SLC30A2: variants seen among roughly 807,000 people sequenced by gnomAD.
The protein encoded by SLC30A2 is proton-coupled zinc antiporter SLC30A2.
Under a neutral mutation model 39.6 loss-of-function variants are expected in SLC30A2, and 19 were observed. The observed-to-expected ratio is 0.48, with a 90% CI of 0.34 to 0.70. The LOEUF is 0.70. Ranked by LOEUF, SLC30A2 falls within the 30% of genes least tolerant of loss-of-function variation. The probability of loss-of-function intolerance (pLI) is 0.01; values close to 1 mark genes in which losing one functional copy is unlikely to be tolerated. For synonymous variants in SLC30A2, 195 were observed against 194.8 expected (o/e 1.00, Z -0.01); for missense variants, 387 against 479.4 (o/e 0.81, Z 1.80).
chr1:26,041,561 G>T (rs2050397570), intron 6 of SLC30A2, 139 bp downstream of exon 6: 1 of 615,246 alleles, frequency 1.6e-6, no homozygotes, highest in East Asian at 2.9e-5. Context: ...GCCCCAGGAG[G>T]TTTTCCAGCC....
chr1:26,043,221 C>T (rs1364141683), intron 4 of SLC30A2, among the ~76,000 whole-genome samples, 177 bp downstream of exon 4: 2 of 152,242 alleles, frequency 1.3e-5, no homozygotes, highest in South Asian at 2.1e-4. Flanking sequence ...TGTTCTTGGC[C>T]TAGGCCTAAG....
intron 4 of SLC30A2, 103 bp from the exon 5 acceptor site, chr1:26,042,811 C>A: frequency 9.8e-7 from 1 of 1,017,118 alleles, no homozygotes; most frequent in Non-Finnish European, 1.4e-6. Context: ...GCCCCTAAAC[C>A]TTGTGATCTC....
rs2050373906 is a variant in SLC30A2, at chr1:26,039,408, G to A, written c.974-103C>T. On this transcript the variant is annotated intron_variant, in intron 7 of 7. Coordinates refer to ENST00000374276, the MANE Select transcript of SLC30A2 (RefSeq NM_001004434.3). This position sits in a 1 kb window ranked among gnomAD's most constrained non-coding sequence, Gnocchi z 4.3. ...CCCATCCCCAGCAGAACAGGATGGG[G>A]GACCATGAACATGGAGAAGCCCCCA... 8 of 884,332 alleles carry A rather than the reference G, an allele frequency of 9.0e-6. No individual in the cohort carries two copies. The highest frequency in any genetic ancestry group is 1.7e-5 in the South Asian group (1 of 59,524). The allele number at this position is 884,332 out of a possible 1,614,324, so 54.8% of individuals were successfully genotyped here. A position where few individuals can be genotyped will look rare whatever the true frequency, so the allele number is the denominator to read the frequency against.
chr1:26,045,534 T>G, intron 1 of SLC30A2: 1 of 595,090 alleles, frequency 1.7e-6, no homozygotes, highest in Non-Finnish European at 3.0e-6. Context: ...TCCAGCGCAC[T>G]TGGGACACAG....
chr1:26,044,897 T>C, intron 2 of SLC30A2, 100 bp downstream of exon 2: 1 of 921,648 alleles, frequency 1.1e-6, no homozygotes, highest in Admixed American at 1.8e-5. Flanking sequence ...AGGCTTACTG[T>C]AGTGTGTGTT....
In SLC30A2 at chr1:26,045,053, C is replaced by T. The variant is rs368255248; in HGVS notation, c.215G>A (p.Arg72His). ...GATGGCAGAGGCTACATACAGCTGG[C>T]GCTGGGCCTTCCCCTTCTTGGGGTC... is the stretch of plus-strand genomic sequence containing the variant. ...HCDPKKGKAQ[R>H]QLYVASAICL... The change falls in exon 2 of 8, where the codon CGC (arginine) becomes CAC (histidine). Residue 72 changes from arginine (R) to histidine (H), a missense_variant. Transcript: ENST00000374276. 1.6e-5 allele frequency: 26 copies of T among 1,614,104 alleles called. No homozygotes were observed. Among genetic ancestry groups the T allele is most frequent in the South Asian group, 2.2e-5 (2 of 91,092 alleles).
chr1:26,038,669 C>T lies in SLC30A2; in HGVS notation c.*491G>A, dbSNP rs2050365114. The T allele has an allele frequency of 6.5e-6, 1 of 152,896 alleles. No individual in the cohort carries two copies. Among genetic ancestry groups the T allele is most frequent in the Non-Finnish European group, 1.5e-5 (1 of 68,484 alleles). 9.5% of individuals were successfully genotyped at this position (152,896 alleles called of 1,614,324 possible). ...GGCACAGATAGGCCTCAGGTGCCTC[C>T]TGGCTCCCTGCCTCAGGGAGGCTCA... On this transcript the variant is annotated 3_prime_UTR_variant, in exon 8 of 8. Transcript: ENST00000374276.
Position 26,039,960 on chromosome 1 carries a change from G to T in SLC30A2, c.839-49C>A, listed in dbSNP as rs763047710. On this transcript the variant is annotated intron_variant, in intron 6 of 7. Coordinates refer to ENST00000374276, the MANE Select transcript of SLC30A2 (RefSeq NM_001004434.3). The surrounding 1 kb of genome is among the most constrained non-coding windows in gnomAD (Gnocchi z 4.3). The stretch of plus-strand genomic sequence containing the variant: ...AACTAAAGGAAACTACCCCTCCCAC[G>T]CCTGCCCATTGGTGCAGGGCTGGCT... 2.5e-6 allele frequency: 4 copies of T among 1,608,662 alleles called. No homozygotes were observed. The highest frequency in any genetic ancestry group is 1.7e-6 in the Non-Finnish European group (2 of 1,176,134).
Position 26,039,189 on chromosome 1 carries a change from A to C in SLC30A2, c.1090T>G (p.Cys364Gly). The C allele has an allele frequency of 6.2e-7, 1 of 1,614,118 alleles. No homozygotes were observed. The highest frequency in any genetic ancestry group is 8.5e-7 in the Non-Finnish European group (1 of 1,179,960). The part of the protein sequence containing the change: ...IEDYSEDMKD[C>G]QACQGPSD ...TCTGAGGGGCCCTGGCATGCCTGAC[A>C]GTCCTTCATGTCCTCCGAGTAGTCC... Residue 364 changes from cysteine to glycine, a missense_variant, in exon 8 of 8, where the codon TGT becomes GGT. Physicochemically the swap from Cys to Gly is radical, Grantham distance 159. Coordinates refer to ENST00000374276, the MANE Select transcript of SLC30A2 (RefSeq NM_001004434.3). This position sits in a 1 kb window ranked among gnomAD's most constrained non-coding sequence, Gnocchi z 4.3.
At chr1:26,043,793 A>G (rs1246849163) in intron 3 of SLC30A2, among the ~76,000 whole-genome samples, 1 of 152,152 alleles carries the variant, frequency 6.6e-6, no homozygotes, top group African/African-American at 2.4e-5. Context: ...TTGGTTGTAC[A>G]TGTAAAGAAG....
chr1:26,042,480 C>T (rs781689445), intron 5 of SLC30A2, 69 bp downstream of exon 5: 68 of 1,412,374 alleles, frequency 4.8e-5, no homozygotes, highest in South Asian at 3.8e-4. Context: ...AAAGAAACCC[C>T]GGTAGAGAGT....
intron 3 of SLC30A2, among the ~76,000 whole-genome samples, chr1:26,044,009 G>A (rs1229713900): frequency 6.6e-6 from 1 of 152,144 alleles, no homozygotes; most frequent in African/African-American, 2.4e-5. Context: ...CAGTGTTAAT[G>A]CCATTGTCAT....
At chr1:26,041,580 G>T in intron 6 of SLC30A2, 120 bp downstream of exon 6, 2 of 651,792 alleles carry the variant, frequency 3.1e-6, no homozygotes, top group Non-Finnish European at 5.5e-6. Flanking sequence ...CCTATGCCGG[G>T]GCTCCGGATC....
At chr1:26,041,273 G>C (rs571692137) in intron 6 of SLC30A2, among the ~76,000 whole-genome samples, 124 of 152,260 alleles carry the variant, frequency 8.1e-4, no homozygotes, top group African/African-American at 2.9e-3. Context: ...TTTGTCCAAG[G>C]CTGACTGTCC....
intron 1 of SLC30A2, 199 bp from the exon 2 acceptor site, chr1:26,045,416 TCAGAG>T (rs2050450208): frequency 2.0e-5 from 12 of 610,820 alleles, no homozygotes; most frequent in Admixed American, 5.9e-5. Flanking sequence ...CCGGGGCCCT[TCAGAG>T]GCCAGAGGAG....
Position 26,039,243 on chromosome 1 carries a change from G to T in SLC30A2, c.1036C>A (p.His346Asn), listed in dbSNP as rs1288268862. 1 of 1,614,100 alleles carries T rather than the reference G, an allele frequency of 6.2e-7. No homozygotes were observed. Among genetic ancestry groups the T allele is most frequent in the Non-Finnish European group, 8.5e-7 (1 of 1,179,956 alleles). ...ATCTGGATGGTCACGGTGTGGAAGT[G>T]GAACTTCCCTTGGAGGCGGCTGCTG... The part of the protein sequence containing the change: ...TASSRLQGKF[H>N]FHTVTIQIED... Residue 346 changes from histidine (H) to asparagine (N), a missense_variant, in exon 8 of 8, where the codon CAC (histidine) becomes AAC (asparagine). His to Asn is a moderately conservative substitution (Grantham distance 68). Transcript: ENST00000374276. The surrounding 1 kb of genome is among the most constrained non-coding windows in gnomAD (Gnocchi z 4.3).
In SLC30A2 at chr1:26,038,981, T is replaced by C; in HGVS notation, c.*179A>G. ...CTTTATACCCGCTGAGTCCCCACCCTGGCTGTAGTCAGATGGGAGGCTGGG... is the reference window on the plus strand; with the variant it reads ...CTTTATACCCGCTGAGTCCCCACCCCGGCTGTAGTCAGATGGGAGGCTGGG... On this transcript the variant is annotated 3_prime_UTR_variant, in exon 8 of 8. Coordinates refer to ENST00000374276, the MANE Select transcript of SLC30A2 (RefSeq NM_001004434.3). 7.2e-7 allele frequency: 1 copy of C among 1,392,174 alleles called. No individual in the cohort carries two copies. Among genetic ancestry groups the C allele is most frequent in the Non-Finnish European group, 9.3e-7 (1 of 1,070,998 alleles). The allele number at this position is 1,392,174 out of a possible 1,614,324, so 86.2% of individuals were successfully genotyped here.
intron 3 of SLC30A2, 122 bp downstream of exon 3, chr1:26,044,176 A>T: frequency 9.7e-7 from 1 of 1,028,334 alleles, no homozygotes; most frequent in South Asian, 1.5e-5. Context: ...CCCCATCCAG[A>T]TCACCCTCCT....
At position 26,037,382 on chromosome 1, in the gene SLC30A2, A is replaced by C. The variant is rs941381224; in HGVS notation, c.*1778T>G. 6 of 152,068 alleles carry C rather than the reference A, an allele frequency of 3.9e-5. No individual in the cohort carries two copies. The highest frequency in any genetic ancestry group is 7.3e-5 in the Non-Finnish European group (5 of 68,036). The allele number at this position is 152,068 out of a possible 1,614,324, so 9.4% of individuals were successfully genotyped here. On this transcript the variant is annotated 3_prime_UTR_variant, in exon 8 of 8. Transcript: ENST00000374276. ...CCGAGTAGCTGGGATTACAGGCACA[A>C]GCCACCACGCCTGGCTAGTTTTTGT...
Sources: gnomAD v4.1 joint callset for allele counts (sites outside exome capture counted in the v4.1 genomes callset) on GRCh38, gnomAD v4.1.1 for gene constraint, Gnocchi (gnomAD v3.1) non-coding constraint, MANE v1.5 for transcripts, NCBI Gene and HGNC (gene_info 2026-07-23, HGNC 2026-07-21) for gene names.